PLCL1: variants seen among roughly 807,000 people sequenced by gnomAD.
PLCL1 encodes inactive phospholipase C-like protein 1.
Under a neutral mutation model 84.4 loss-of-function variants are expected in PLCL1, and 41 were observed. That is an observed-to-expected ratio of 0.49 (90% CI 0.38 to 0.63). The LOEUF (loss-of-function observed/expected upper bound fraction) is 0.63. PLCL1 is among the 30% of genes least tolerant of loss of function. The pLI is 0.00. For missense variants in PLCL1, 1,206 were observed against 1,367.8 expected, an observed-to-expected ratio of 0.88 and a Z score of 1.87; for synonymous variants, 490 against 488.3, an observed-to-expected ratio of 1.00 and a Z score of -0.05.
intron 1 of PLCL1, among the ~76,000 whole-genome samples, chr2:197,909,713 G>A (rs1336913290): frequency 6.6e-6 from 1 of 152,182 alleles, no homozygotes; most frequent in East Asian, 1.9e-4. Flanking sequence ...GGAGAGTGGA[G>A]TTCTCTAGGG....
chr2:197,978,943 A>T (rs1027089912), intron 1 of PLCL1, among the ~76,000 whole-genome samples: 14 of 152,200 alleles, frequency 9.2e-5, no homozygotes, highest in Admixed American at 6.5e-4. Flanking sequence ...CTCGTCTGGG[A>T]ATCGGTTTTT....
chr2:197,986,206 T>G (rs925305950), intron 1 of PLCL1, among the ~76,000 whole-genome samples: 1 of 152,202 alleles, frequency 6.6e-6, no homozygotes, highest in African/African-American at 2.4e-5. Context: ...AACCCGATAT[T>G]ACTATGTAGA....
chr2:198,131,427 G>A (rs1365922235), intron 5 of PLCL1, among the ~76,000 whole-genome samples: 1 of 152,056 alleles, frequency 6.6e-6, no homozygotes, highest in African/African-American at 2.4e-5. Flanking sequence ...CTCTATTATT[G>A]TAAGCAATTA....
chr2:197,945,200 A>G (rs538836686), intron 1 of PLCL1, among the ~76,000 whole-genome samples: 12 of 152,214 alleles, frequency 7.9e-5, no homozygotes, highest in Non-Finnish European at 1.5e-4. Flanking sequence ...AGATCAGAGG[A>G]TGCTTGGGAA....
At chr2:197,954,756 A>T (rs1689453424) in intron 1 of PLCL1, among the ~76,000 whole-genome samples, 1 of 152,064 alleles carries the variant, frequency 6.6e-6, no homozygotes, top group African/African-American at 2.4e-5. Flanking sequence ...GATATGCACT[A>T]TTTCTAACCA....
chr2:198,130,040 G>C (rs750106956), intron 5 of PLCL1, among the ~76,000 whole-genome samples: 33 of 151,920 alleles, frequency 2.2e-4, no homozygotes, highest in Non-Finnish European at 1.5e-4. Context: ...TGTCACCCAG[G>C]CTGGACTGTG....
rs188708062 is a variant in PLCL1 at position 197,946,697 on chromosome 2, G to A, written c.241-137061G>A. Among the ~76,000 whole-genome samples, 64 of 152,226 alleles carry A rather than the reference G, an allele frequency of 4.2e-4. 1 individual carries two copies. The highest frequency in any genetic ancestry group is 1.4e-3 in the African/African-American group (60 of 41,530). On this transcript the variant is annotated intron_variant, in intron 1 of 5. Transcript: ENST00000428675. Reference sequence around the variant, plus strand: ...TTCAAGATACTCTGTTGAGTAGAACGCTCCTGCAGGCTCCTTTCCTTGGAA... The same window carrying A: ...TTCAAGATACTCTGTTGAGTAGAACACTCCTGCAGGCTCCTTTCCTTGGAA...
At chr2:197,887,128 A>G (rs2105721481) in intron 1 of PLCL1, among the ~76,000 whole-genome samples, 1 of 152,306 alleles carries the variant, frequency 6.6e-6, no homozygotes, top group East Asian at 1.9e-4. Flanking sequence ...CTTTCCAGAC[A>G]TATTTTATTA....
At chr2:197,839,600 A>T (rs1686950097) in intron 1 of PLCL1, among the ~76,000 whole-genome samples, 2 of 152,202 alleles carry the variant, frequency 1.3e-5, no homozygotes, top group South Asian at 4.1e-4. Flanking sequence ...CCACAGACTG[A>T]CACCGGTCCG....
At chr2:197,924,659 C>T (rs1005843209) in intron 1 of PLCL1, among the ~76,000 whole-genome samples, 9 of 151,820 alleles carry the variant, frequency 5.9e-5, no homozygotes, top group African/African-American at 2.2e-4. Flanking sequence ...AGACCGGCTC[C>T]AGTTCACTGT....
At chr2:198,144,345 A>AT (rs1316933522) in intron 5 of PLCL1, among the ~76,000 whole-genome samples, 2 of 152,178 alleles carry the variant, frequency 1.3e-5, no homozygotes, top group Non-Finnish European at 2.9e-5. Context: ...TTACTAATAG[A>AT]TTTTTTATAA....
At chr2:197,843,107 A>G (rs1687043858) in intron 1 of PLCL1, among the ~76,000 whole-genome samples, 1 of 152,162 alleles carries the variant, frequency 6.6e-6, no homozygotes, top group Non-Finnish European at 1.5e-5. Flanking sequence ...AGGGATGGCA[A>G]ATAGATTTCA....
chr2:197,953,473 T>C (rs535801569), intron 1 of PLCL1, among the ~76,000 whole-genome samples: 3 of 152,190 alleles, frequency 2.0e-5, no homozygotes, highest in African/African-American at 7.2e-5. Context: ...TAAATGATGA[T>C]GCACAGGCTG....
chr2:198,088,532 T>C (rs569129156), intron 2 of PLCL1, among the ~76,000 whole-genome samples: 2 of 152,224 alleles, frequency 1.3e-5, no homozygotes, highest in Admixed American at 6.5e-5. Context: ...CCAAGTGAAA[T>C]GCACTCCAGT....
At position 198,133,869 on chromosome 2, in the gene PLCL1, G is replaced by A. The variant is rs76270687; in HGVS notation, c.3106-12911G>A. Among the ~76,000 whole-genome samples, 1,166 of 152,256 alleles carry A rather than the reference G, an allele frequency of 7.7e-3. 16 individuals are homozygous for A. Among genetic ancestry groups the A allele is most frequent in the African/African-American group, 0.027 (1,116 of 41,570 alleles). ...TTAAAAAAGTAATAAGATGTTTTGG[G>A]ACAACTGGGGAAATTTAATATGTAC... On this transcript the variant is annotated intron_variant, in intron 5 of 5. Coordinates refer to ENST00000428675, the MANE Select transcript of PLCL1 (RefSeq NM_006226.4).
At chr2:198,000,856 G>A (rs1330259523) in intron 1 of PLCL1, among the ~76,000 whole-genome samples, 1 of 151,830 alleles carries the variant, frequency 6.6e-6, no homozygotes, top group African/African-American at 2.4e-5. Flanking sequence ...TAAAAAATAT[G>A]CACAGTTCCT....
intron 1 of PLCL1, among the ~76,000 whole-genome samples, chr2:198,075,647 C>G (rs1262285865): frequency 6.6e-6 from 1 of 152,188 alleles, no homozygotes; most frequent in Non-Finnish European, 1.5e-5. Context: ...GTTTAATAGG[C>G]CTCATCAGCC....
intron 1 of PLCL1, among the ~76,000 whole-genome samples, chr2:197,946,595 C>G (rs1389541070): frequency 6.6e-6 from 1 of 152,074 alleles, no homozygotes; most frequent in Non-Finnish European, 1.5e-5. Flanking sequence ...TTCCAGAGTT[C>G]TGGAATCAAG....
At position 198,085,872 on chromosome 2, in the gene PLCL1, A is replaced by G. The variant is rs756275629; in HGVS notation, c.2355A>G (p.Gln785=). 8 of 1,614,186 alleles carry G rather than the reference A, an allele frequency of 5.0e-6. No homozygotes were observed. The highest frequency in any genetic ancestry group is 5.9e-6 in the Non-Finnish European group (7 of 1,179,998). Residue 785 remains glutamine, a synonymous_variant, in exon 2 of 6, where the codon CAA becomes CAG. Transcript: ENST00000428675. The surrounding 1 kb of genome is among the most constrained non-coding windows in gnomAD (Gnocchi z 5.3). The stretch of plus-strand genomic sequence containing the variant: ...TTTTTGATGAAACTTTTGAGTTCCA[A>G]GTAAACCTACCTGAGCTGGCCATGA... The part of the protein sequence containing the change: ...NPIFDETFEF[Q]VNLPELAMIR...
Sources: allele counts gnomAD v4.1 joint callset (sites outside exome capture counted in the v4.1 genomes callset), GRCh38; gene constraint gnomAD v4.1.1; non-coding constraint Gnocchi (gnomAD v3.1); transcripts MANE v1.5; gene names NCBI Gene and HGNC (gene_info 2026-07-23, HGNC 2026-07-21).